USP34: variants seen among roughly 807,000 people sequenced by gnomAD.
USP34 encodes the protein ubiquitin carboxyl-terminal hydrolase 34.
USP34 carries 70 observed loss-of-function variants against 460.3 expected under a neutral mutation model. The ratio of observed to expected loss-of-function variants is 0.15; its 90% CI spans 0.13 to 0.19. The LOEUF is 0.19. Among genes scored for constraint, USP34 ranks in the 10% least tolerant of loss-of-function variants. The pLI is 1.00. For synonymous variants in USP34, 1,647 were observed against 1,405.3 expected (o/e 1.17, Z -3.85); for missense variants, 3,985 against 4,236.2 (o/e 0.94, Z 1.65).
chr2:61,367,151 G>A (rs542202213), intron 10 of USP34, among the ~76,000 whole-genome samples: 5 of 152,322 alleles, frequency 3.3e-5, no homozygotes, highest in South Asian at 2.1e-4. Flanking sequence ...CTGAAAGGGC[G>A]AGAAGGACTA....
At chr2:61,455,274 GT>G (rs1695404601) in intron 1 of USP34, among the ~76,000 whole-genome samples, 1 of 152,036 alleles carries the variant, frequency 6.6e-6, no homozygotes, top group African/African-American at 2.4e-5. Flanking sequence ...CGCCTCCCGG[GT>G]TCAAGCAATT....
chr2:61,239,118 G>A (rs1688157230), intron 53 of USP34, among the ~76,000 whole-genome samples: 1 of 151,982 alleles, frequency 6.6e-6, no homozygotes, highest in Non-Finnish European at 1.5e-5. Flanking sequence ...ACTGCACCGA[G>A]TAGCTGTTCA....
chr2:61,194,730 C>T (rs897522973), intron 75 of USP34, among the ~76,000 whole-genome samples: 4 of 151,590 alleles, frequency 2.6e-5, no homozygotes, highest in African/African-American at 4.9e-5. Context: ...CCAAGGTGGG[C>T]GGATCACCTG....
At chr2:61,341,313 A>C (rs770307550) in intron 16 of USP34, among the ~76,000 whole-genome samples, 4 of 152,210 alleles carry the variant, frequency 2.6e-5, no homozygotes, top group Non-Finnish European at 4.4e-5. Context: ...TAAAAACCTA[A>C]GGCAAAAAAA....
At chr2:61,295,520 A>C (rs1306686258) in intron 30 of USP34, among the ~76,000 whole-genome samples, 4 of 152,230 alleles carry the variant, frequency 2.6e-5, no homozygotes, top group African/African-American at 9.6e-5. Flanking sequence ...TACAAACAGC[A>C]GCATGGGAAA....
rs1458584172 is a variant in USP34, at chr2:61,311,433, G to GAAAAGAAAAGGAGAAT, written c.3817+91_3817+106dup. 7.1e-4 allele frequency: 865 copies of GAAAAGAAAAGGAGAAT among 1,225,570 alleles called. 7 individuals are homozygous for GAAAAGAAAAGGAGAAT. In the African/African-American group the frequency reaches 0.01, roughly 14 times the overall value. The allele number at this position is 1,225,570 out of a possible 1,614,324, so 75.9% of individuals were successfully genotyped here. A position where few individuals can be genotyped will look rare whatever the true frequency, so the allele number is the denominator to read the frequency against. Reference sequence around the variant, plus strand: ...GTTGCTATATGATATAACCAAGAAAGAAAAGAAAAGGAGAATAAAAGAAAA... The same window carrying GAAAAGAAAAGGAGAAT: ...GTTGCTATATGATATAACCAAGAAAGAAAAGAAAAGGAGAATAAAAGAAAAGGAGAATAAAAGAAAA... On this transcript the variant is annotated intron_variant, in intron 27 of 79. Coordinates refer to ENST00000398571, the MANE Select transcript of USP34 (RefSeq NM_014709.4).
At chr2:61,410,963 T>C (rs1573014053) in intron 2 of USP34, among the ~76,000 whole-genome samples, 1 of 151,862 alleles carries the variant, frequency 6.6e-6, no homozygotes, top group East Asian at 1.9e-4. Context: ...TAATGAAAGG[T>C]ACAATTAAAA....
At chr2:61,291,076 G>A in intron 33 of USP34, among the ~76,000 whole-genome samples, 1 of 152,114 alleles carries the variant, frequency 6.6e-6, no homozygotes, top group East Asian at 1.9e-4. Flanking sequence ...TAAGGAATCA[G>A]TATCTGAAAT....
chr2:61,320,356 T>C (rs1690878826), intron 21 of USP34, among the ~76,000 whole-genome samples: 2 of 152,124 alleles, frequency 1.3e-5, no homozygotes, highest in South Asian at 4.1e-4. Context: ...CTCATTCAGA[T>C]TGGGATCATT....
chr2:61,220,268 CAATA>C (rs751019956), intron 67 of USP34, 38 bp downstream of exon 67: 12 of 1,461,304 alleles, frequency 8.2e-6, no homozygotes, highest in Non-Finnish European at 1.1e-5. Context: ...TAACTTTGAA[CAATA>C]AATAAATGGT....
rs1390313003 is a variant in USP34, at chr2:61,331,296, T to C, written c.2910A>G (p.Glu970=). 1 of 1,612,510 alleles carries C rather than the reference T, an allele frequency of 6.2e-7. No individual in the cohort carries two copies. Among genetic ancestry groups the C allele is most frequent in the South Asian group, 1.1e-5 (1 of 90,866 alleles). The change falls in exon 20 of 80, where the codon GAA becomes GAG. Residue 970 remains glutamate, a synonymous_variant. Coordinates refer to ENST00000398571, the MANE Select transcript of USP34 (RefSeq NM_014709.4). ...NLVYYIQTVR[E]GRQKHALYSH... is the part of the protein sequence containing the mutation. ...CTTACAGTGCATGTTTTTGTCTTCC[T>C]TCTCTCACAGTTTGAATGTAGTATA...
chr2:61,265,537 C>A lies in USP34; in HGVS notation c.5638G>T (p.Asp1880Tyr). 1 of 1,611,160 alleles carries A rather than the reference C, an allele frequency of 6.2e-7. No homozygotes were observed. The highest frequency in any genetic ancestry group is 8.5e-7 in the Non-Finnish European group (1 of 1,177,976). The stretch of plus-strand genomic sequence containing the variant: ...CGGACATCTTCATGAGGCCAGTAAT[C>A]CCATTTATAAGGTGCATGGGCTGCT... ...HMQSHAPYKW[D>Y]YWPHEDVRAE... is the part of the protein sequence containing the mutation. The change falls in exon 43 of 80, where the codon GAT becomes TAT. Residue 1880 changes from aspartate to tyrosine, a missense_variant. By Grantham distance (160) the Asp-to-Tyr change is radical. Coordinates refer to ENST00000398571, the MANE Select transcript of USP34 (RefSeq NM_014709.4).
chr2:61,417,271 C>A, intron 2 of USP34: 1 of 1,004,954 alleles, frequency 1.0e-6, no homozygotes. Context: ...CTTAGAGCAA[C>A]CTATACAACA....
chr2:61,207,083 G>A (rs1687141188), intron 70 of USP34, 197 bp from the exon 71 acceptor site: 1 of 519,120 alleles, frequency 1.9e-6, no homozygotes, highest in Non-Finnish European at 3.3e-6. Context: ...CACCTTCAGA[G>A]CTCTGCTATT....
At chr2:61,336,655 C>A (rs1691425802) in intron 18 of USP34, among the ~76,000 whole-genome samples, 1 of 151,488 alleles carries the variant, frequency 6.6e-6, no homozygotes, top group Admixed American at 6.6e-5. Context: ...CCTAAAAATA[C>A]AAAAGTTAGC....
At chr2:61,406,705 A>G (rs1693883745) in intron 2 of USP34, among the ~76,000 whole-genome samples, 1 of 148,254 alleles carries the variant, frequency 6.7e-6, no homozygotes, top group African/African-American at 2.5e-5. Flanking sequence ...GTGTATTTAA[A>G]AAAAAAAAAA....
At chr2:61,345,462 G>A (rs1350659472) in intron 15 of USP34, among the ~76,000 whole-genome samples, 1 of 152,088 alleles carries the variant, frequency 6.6e-6, no homozygotes. Flanking sequence ...GTCGAGTATA[G>A]CAAAACTCAA....
intron 51 of USP34, among the ~76,000 whole-genome samples, chr2:61,243,400 G>T (rs1688328633): frequency 6.6e-6 from 1 of 151,786 alleles, no homozygotes; most frequent in Non-Finnish European, 1.5e-5. Flanking sequence ...ACCTGCTTCG[G>T]CCTCCCAACG....
intron 19 of USP34, among the ~76,000 whole-genome samples, chr2:61,332,209 C>A (rs1267191089): frequency 6.6e-6 from 1 of 151,914 alleles, no homozygotes; most frequent in Non-Finnish European, 1.5e-5. Flanking sequence ...GGGTAAGTTT[C>A]CAATTTTAAA....
Sources: gnomAD v4.1 joint callset for allele counts (sites outside exome capture counted in the v4.1 genomes callset) on GRCh38, gnomAD v4.1.1 for gene constraint, MANE v1.5 for transcripts, NCBI Gene and HGNC (gene_info 2026-07-23, HGNC 2026-07-21) for gene names.